Variants in ITSN1 observed in about 807,000 individuals in gnomAD.
ITSN1 encodes intersectin-1.
Under a neutral mutation model 239.8 loss-of-function variants are expected in ITSN1, and 58 were observed. The ratio of observed to expected loss-of-function variants is 0.24; its 90% CI spans 0.20 to 0.30. The LOEUF is 0.30. ITSN1 is among the 10% of genes least tolerant of loss of function. The pLI is 1.00. For synonymous variants in ITSN1, 780 were observed against 770.8 expected (o/e 1.01, Z -0.20); for missense variants, 1,558 against 2,103.3 (o/e 0.74, Z 5.07).
chr21:33,894,812 G>C lies in ITSN1; in HGVS notation c.*6512G>C, dbSNP rs1336717070. ...TCAGGCAGACAGGAACCAAAGAAAG[G>C]GTGTAGTGGCTTTGCAGCGTTGGGT... On this transcript the variant is annotated 3_prime_UTR_variant, in exon 40 of 40. Transcript: ENST00000381318. 2 of 152,240 alleles carry C rather than the reference G, an allele frequency of 1.3e-5. No homozygotes were observed. The highest frequency in any genetic ancestry group is 2.9e-5 in the Non-Finnish European group (2 of 68,050). The allele number at this position is 152,240 out of a possible 1,614,324, so 9.4% of individuals were successfully genotyped here. A position where few individuals can be genotyped will look rare whatever the true frequency, so the allele number is the denominator to read the frequency against.
At chr21:33,871,434 A>T (rs570454132) in intron 33 of ITSN1, among the ~76,000 whole-genome samples, 14 of 88,618 alleles carry the variant, frequency 1.6e-4, no homozygotes, top group African/African-American at 6.5e-4. Flanking sequence ...TGTCTCAAAA[A>T]AACAAAAAAA....
At chr21:33,848,824 T>G (rs1392698717) in intron 29 of ITSN1, among the ~76,000 whole-genome samples, 1 of 152,190 alleles carries the variant, frequency 6.6e-6, no homozygotes, top group Non-Finnish European at 1.5e-5. Context: ...TCCATTTGAA[T>G]CCCTCACCGC....
At chr21:33,703,884 G>A (rs540675569) in intron 1 of ITSN1, among the ~76,000 whole-genome samples, 2 of 152,180 alleles carry the variant, frequency 1.3e-5, no homozygotes, top group South Asian at 2.1e-4. Context: ...TTGTCTCCTC[G>A]CCGAAGAGCT....
intron 28 of ITSN1, 49 bp from the exon 29 acceptor site, chr21:33,836,392 G>A: frequency 1.4e-6 from 2 of 1,415,988 alleles, no homozygotes; most frequent in South Asian, 1.4e-5. Context: ...TACCCGTTGT[G>A]CATTCTCCGG....
chr21:33,679,335 C>CA (rs752634051), intron 1 of ITSN1, among the ~76,000 whole-genome samples: 1 of 152,190 alleles, frequency 6.6e-6, no homozygotes, highest in Non-Finnish European at 1.5e-5. Context: ...CTCTTCACTG[C>CA]ATGGGTACTC....
chr21:33,805,701 T>C (rs961596681), intron 20 of ITSN1, among the ~76,000 whole-genome samples: 2 of 151,878 alleles, frequency 1.3e-5, no homozygotes, highest in African/African-American at 4.8e-5. Flanking sequence ...AGACGGAGTC[T>C]CTCTCTGTCG....
chr21:33,870,226 A>T (rs1982473922), intron 33 of ITSN1, among the ~76,000 whole-genome samples: 1 of 152,218 alleles, frequency 6.6e-6, no homozygotes, highest in Non-Finnish European at 1.5e-5. Context: ...CCAACACCAC[A>T]GTTACTATTT....
chr21:33,817,706 T>A, intron 22 of ITSN1: 1 of 1,028,752 alleles, frequency 9.7e-7, no homozygotes, highest in Non-Finnish European at 1.3e-6. Flanking sequence ...GCAGTGCATG[T>A]AGATGTACAA....
At chr21:33,768,529 C>A (rs2068883264) in intron 11 of ITSN1, among the ~76,000 whole-genome samples, 1 of 152,158 alleles carries the variant, frequency 6.6e-6, no homozygotes, top group African/African-American at 2.4e-5. Flanking sequence ...GATCCACCTA[C>A]CTCAGCCTCC....
rs115944411 is a variant in ITSN1 at position 33,799,730 on chromosome 21, G to T, written c.2183-78G>T. On this transcript the variant is annotated intron_variant, in intron 18 of 39. Transcript: ENST00000381318. Reference sequence around the variant, plus strand: ...AAGATAGGCAATAGAGGAGAGGTTAGTTGTTTGGCTTGTTGTCATACATTT... The same window carrying T: ...AAGATAGGCAATAGAGGAGAGGTTATTTGTTTGGCTTGTTGTCATACATTT... 1,562 of 1,491,208 alleles carry T rather than the reference G, an allele frequency of 1.0e-3. 15 individuals are homozygous for T. The African/African-American group carries it at 0.02, about 19-fold the overall frequency. 92.4% of individuals were successfully genotyped at this position (1,491,208 alleles called of 1,614,324 possible).
chr21:33,780,519 A>T (rs1602192906), intron 14 of ITSN1, among the ~76,000 whole-genome samples: 1 of 152,246 alleles, frequency 6.6e-6, no homozygotes, highest in East Asian at 1.9e-4. Context: ...CTAGCTATTG[A>T]GTTAACTCTT....
In ITSN1 at chr21:33,769,681, C is replaced by T. The variant is rs1602120930; in HGVS notation, c.1042+1853C>T. 2.0e-5 allele frequency among the ~76,000 whole-genome samples: 3 copies of T among 150,824 alleles called. No homozygotes were observed. The South Asian group carries it at 6.3e-4, about 32-fold the overall frequency. ...GACAGATCTCTCCTCTCTCTGTTTTCTCTATCTCTGTCTCTGCCTTTTTTT... is the reference window on the plus strand; with the variant it reads ...GACAGATCTCTCCTCTCTCTGTTTTTTCTATCTCTGTCTCTGCCTTTTTTT... On this transcript the variant is annotated intron_variant, in intron 11 of 39. Coordinates refer to ENST00000381318, the MANE Select transcript of ITSN1 (RefSeq NM_003024.3).
chr21:33,868,057 G>T (rs1237029804), intron 33 of ITSN1, among the ~76,000 whole-genome samples: 1 of 152,230 alleles, frequency 6.6e-6, no homozygotes, highest in Non-Finnish European at 1.5e-5. Flanking sequence ...CCACGGTGTG[G>T]AAAGGGACCG....
rs71194859 is a variant in ITSN1, at chr21:33,659,705, C to CTTTT, written c.-33+17014_-33+17017dup. ...TCATGGACTAAGTCAGCAGCCTGTA[C>CTTTT]TTTTTTTTTTTTTTTTTTTTTTTTT... On this transcript the variant is annotated intron_variant, in intron 1 of 39. Coordinates refer to ENST00000381318, the MANE Select transcript of ITSN1 (RefSeq NM_003024.3). Among the ~76,000 whole-genome samples the CTTTT allele has an allele frequency of 1.3e-3, 103 of 76,584 alleles. 5 individuals carry two copies. Among genetic ancestry groups the CTTTT allele is most frequent in the Non-Finnish European group, 1.9e-3 (82 of 42,882 alleles). 50.2% of individuals were successfully genotyped at this position (76,584 alleles called of 152,430 possible).
rs767620966 is a variant in ITSN1 at position 33,818,440 on chromosome 21, A to G, written c.2901A>G (p.Lys967=). ...GTTGGTTCCCCAAGTCTTACGTGAAACTCATTTCAGGGCCCATAAGGAAGT... is the reference window on the plus strand; with the variant it reads ...GTTGGTTCCCCAAGTCTTACGTGAAGCTCATTTCAGGGCCCATAAGGAAGT... ...QKGWFPKSYV[K]LISGPIRKST... Residue 967 remains lysine, a synonymous_variant, in exon 23 of 40, where the codon AAA becomes AAG. Transcript: ENST00000381318. The G allele has an allele frequency of 3.7e-6, 6 of 1,612,854 alleles. No homozygotes were observed. In the South Asian group the frequency reaches 6.6e-5, roughly 18 times the overall value.
chr21:33,765,943 T>C lies in ITSN1; in HGVS notation c.857T>C (p.Ile286Thr). ...AEEFILAMHL[I>T]DVAMSGQPLP... ...GAATTTATCCTGGCAATGCACCTCA[T>C]TGATGTAGCTATGTCTGGCCAACCA... Residue 286 changes from isoleucine to threonine, a missense_variant, in exon 10 of 40, where the codon ATT becomes ACT. Physicochemically the swap from Ile to Thr is moderately conservative, Grantham distance 89 (BLOSUM62 -1). Around this residue, in one of 2 missense-constraint regions of ITSN1, gnomAD observed 982 missense variants for 1,209.9 expected, o/e 0.81. Coordinates refer to ENST00000381318, the MANE Select transcript of ITSN1 (RefSeq NM_003024.3). 1 of 1,614,150 alleles carries C rather than the reference T, an allele frequency of 6.2e-7. No homozygotes were observed. The highest frequency in any genetic ancestry group is 8.5e-7 in the Non-Finnish European group (1 of 1,179,980).
rs8133380 is a variant in ITSN1 at position 33,672,188 on chromosome 21, A to T, written c.-33+29475A>T. 2.5e-3 allele frequency among the ~76,000 whole-genome samples: 375 copies of T among 152,094 alleles called. 3 individuals carry two copies. The highest frequency in any genetic ancestry group is 8.5e-3 in the African/African-American group (352 of 41,502). ...AACCTGGGAGACGGAGGTTACGGTGAGCTGGGCAACAAGAGCGAAACTCTG... is the reference window on the plus strand; with the variant it reads ...AACCTGGGAGACGGAGGTTACGGTGTGCTGGGCAACAAGAGCGAAACTCTG... On this transcript the variant is annotated intron_variant, in intron 1 of 39. Coordinates refer to ENST00000381318, the MANE Select transcript of ITSN1 (RefSeq NM_003024.3).
intron 34 of ITSN1, among the ~76,000 whole-genome samples, chr21:33,881,287 G>A (rs1408652309): frequency 1.3e-5 from 2 of 151,824 alleles, no homozygotes; most frequent in Non-Finnish European, 2.9e-5. Context: ...AGCACCTGTA[G>A]TCCCAGCTAC....
intron 1 of ITSN1, among the ~76,000 whole-genome samples, chr21:33,678,816 C>T (rs762684946): frequency 1.3e-5 from 2 of 152,102 alleles, no homozygotes; most frequent in Admixed American, 6.5e-5. Flanking sequence ...CGGGTTTAAG[C>T]GATTCTCCTG....
Sources: gnomAD v4.1 joint callset for allele counts (sites outside exome capture counted in the v4.1 genomes callset) on GRCh38, gnomAD v4.1.1 for gene constraint, gnomAD v4.1.1 regional missense constraint, MANE v1.5 for transcripts, NCBI Gene and HGNC (gene_info 2026-07-23, HGNC 2026-07-21) for gene names.